Variants in OTC observed in about 807,000 individuals in gnomAD.
OTC encodes ornithine transcarbamylase, mitochondrial.
Under a neutral mutation model 30.3 loss-of-function variants are expected in OTC, and 3 were observed. That is an observed-to-expected ratio of 0.10 (90% CI 0.05 to 0.26). OTC has a LOEUF of 0.26. OTC is among the 10% of genes least tolerant of loss of function. The pLI, the probability that OTC is intolerant of heterozygous loss-of-function variation, is 1.00. For synonymous variants in OTC, 111 were observed against 99.7 expected (o/e 1.11, Z -0.67); for missense variants, 194 against 260.3 (o/e 0.75, Z 1.75).
intron 3 of OTC, among the ~76,000 whole-genome samples, chrX:38,377,675 GA>G (rs1322878286): frequency 9.0e-6 from 1 of 111,596 alleles, no homozygotes; most frequent in Non-Finnish European, 1.9e-5. Flanking sequence ...CCCTGCTACA[GA>G]TGTCCAATTA....
upstream of OTC, among the ~76,000 whole-genome samples, chrX:38,348,228 A>G (rs2068198674): frequency 2.7e-5 from 3 of 112,265 alleles, no homozygotes; most frequent in Admixed American, 2.8e-4. Flanking sequence ...TTTGTCACAC[A>G]ATAACCTCTT....
At chrX:38,405,134 G>A (rs1401362170) in intron 6 of OTC, among the ~76,000 whole-genome samples, 1 of 110,892 alleles carries the variant, frequency 9.0e-6, no homozygotes, top group Non-Finnish European at 1.9e-5. Flanking sequence ...CCATGAAAAG[G>A]GATCCCCCGG....
the OTC span, among the ~76,000 whole-genome samples, chrX:38,338,884 G>A: frequency 0.21 from 23,201 of 111,034 alleles, 1,910 homozygotes; most frequent in African/African-American, 0.29. Context: ...AGCATTATTG[G>A]TTGGTAAATC....
At position 38,369,514 on chromosome X, in the gene OTC, ATT is replaced by A. The variant is rs11313102; in HGVS notation, c.217-266_217-265del. Reference sequence around the variant, plus strand: ...AGGCACCCACCACCACTCCAGGCTAATTTTTTTTTTTTTTTTTGGTATTTTGA... The same window carrying A: ...AGGCACCCACCACCACTCCAGGCTAATTTTTTTTTTTTTTTGGTATTTTGA... On this transcript the variant is annotated intron_variant, in intron 2 of 9. Coordinates refer to ENST00000039007, the MANE Select transcript of OTC (RefSeq NM_000531.6). 0.051 allele frequency among the ~76,000 whole-genome samples: 4,733 copies of A among 92,165 alleles called. 300 individuals are homozygous for A. Among genetic ancestry groups the A allele is most frequent in the African/African-American group, 0.18 (4,434 of 25,024 alleles). The allele number at this position is 92,165 out of a possible 115,157, so 80.0% of individuals were successfully genotyped here. A position where few individuals can be genotyped will look rare whatever the true frequency, so the allele number is the denominator to read the frequency against.
chrX:38,374,389 C>T (rs895228125), intron 3 of OTC, among the ~76,000 whole-genome samples: 2 of 109,829 alleles, frequency 1.8e-5, no homozygotes, highest in African/African-American at 6.6e-5. Flanking sequence ...CACGTATTAC[C>T]ATCCAGACCT....
At position 38,381,335 on chromosome X, in the gene OTC, A is replaced by G; in HGVS notation, c.299-7A>G. The G allele has an allele frequency of 8.9e-7, 1 of 1,127,218 alleles. No individual in the cohort carries two copies. Among genetic ancestry groups the G allele is most frequent in the East Asian group, 3.0e-5 (1 of 33,108 alleles). 92.9% of individuals were successfully genotyped at this position (1,127,218 alleles called of 1,213,427 possible). ...AAAATGATTTTTTTCTTTTTTTTTTATTGTAGGCTTTGCACTTCTGGGAGG... is the reference window on the plus strand; with the variant it reads ...AAAATGATTTTTTTCTTTTTTTTTTGTTGTAGGCTTTGCACTTCTGGGAGG... On this transcript the variant is annotated splice_polypyrimidine_tract_variant and splice_region_variant and intron_variant, in intron 3 of 9. Transcript: ENST00000039007.
intron 4 of OTC, among the ~76,000 whole-genome samples, chrX:38,382,230 G>A (rs901300252): frequency 1.8e-5 from 2 of 111,766 alleles, no homozygotes; most frequent in African/African-American, 3.2e-5. Flanking sequence ...AGGGAGAGAC[G>A]GGGAAAGGCT....
intron 6 of OTC, among the ~76,000 whole-genome samples, chrX:38,404,663 G>C (rs1458536296): frequency 9.0e-6 from 1 of 111,675 alleles, no homozygotes. Context: ...ACCACCGTGG[G>C]GATTTGTGTA....
At chrX:38,385,704 G>A (rs757507328) in intron 4 of OTC, among the ~76,000 whole-genome samples, 11 of 111,908 alleles carry the variant, frequency 9.8e-5, no homozygotes, top group Non-Finnish European at 2.1e-4. Flanking sequence ...TTGGTCCTCA[G>A]TCTCACCCAC....
intron 1 of OTC, among the ~76,000 whole-genome samples, chrX:38,358,185 G>A (rs2068251576): frequency 9.0e-6 from 1 of 110,628 alleles, no homozygotes; most frequent in Non-Finnish European, 1.9e-5. Context: ...GAACTTAATA[G>A]CCATTGATGC....
At chrX:38,383,862 G>A (rs1171919364) in intron 4 of OTC, among the ~76,000 whole-genome samples, 2 of 109,956 alleles carry the variant, frequency 1.8e-5, no homozygotes, top group African/African-American at 3.3e-5. Context: ...TGACTTGCAC[G>A]TCAAGAGGTC....
At chrX:38,350,016 C>T (rs1569270273), upstream of OTC, among the ~76,000 whole-genome samples, 2 of 111,351 alleles carry the variant, frequency 1.8e-5, no homozygotes, top group South Asian at 7.6e-4. Flanking sequence ...TCCTTTGTAG[C>T]TCCCTCCAGT....
chrX:38,374,010 A>G (rs912776007), intron 3 of OTC, among the ~76,000 whole-genome samples: 1 of 110,309 alleles, frequency 9.1e-6, no homozygotes, highest in Non-Finnish European at 1.9e-5. Context: ...TAAAAATACA[A>G]AAAATTAGCC....
the OTC span, among the ~76,000 whole-genome samples, chrX:38,342,372 C>T: frequency 4.5e-5 from 5 of 110,731 alleles, no homozygotes; most frequent in African/African-American, 1.6e-4. Flanking sequence ...AAGACGGACA[C>T]CTCAACACTT....
upstream of OTC, chrX:38,352,594 A>G (rs2068223508): frequency 1.7e-6 from 1 of 604,052 alleles, no homozygotes; most frequent in African/African-American, 2.2e-5. Context: ...TTGCTCCCTC[A>G]CTGCAACTGA....
chrX:38,358,188 A>G (rs1223660510), intron 1 of OTC, among the ~76,000 whole-genome samples: 1 of 110,891 alleles, frequency 9.0e-6, no homozygotes, highest in Admixed American at 9.7e-5. Context: ...CTTAATAGCC[A>G]TTGATGCCAG....
At chrX:38,376,368 G>T (rs182463691) in intron 3 of OTC, among the ~76,000 whole-genome samples, 1 of 112,290 alleles carries the variant, frequency 8.9e-6, no homozygotes, top group East Asian at 2.8e-4. Flanking sequence ...GAGAAAGGGA[G>T]GAATTGCTAG....
At chrX:38,374,113 G>A (rs1469500359) in intron 3 of OTC, among the ~76,000 whole-genome samples, 3 of 111,469 alleles carry the variant, frequency 2.7e-5, no homozygotes, top group African/African-American at 6.5e-5. Context: ...GCAGTGAGCC[G>A]AGAACGCGCC....
At chrX:38,395,553 TG>T in intron 4 of OTC, 1 of 141,707 alleles carries the variant, frequency 7.1e-6, no homozygotes. Context: ...AAACGCTTCT[TG>T]GGCAGCCAGA....
Sources: allele counts gnomAD v4.1 joint callset (sites outside exome capture counted in the v4.1 genomes callset), GRCh38; gene constraint gnomAD v4.1.1; transcripts MANE v1.5; gene names NCBI Gene and HGNC (gene_info 2026-07-23, HGNC 2026-07-21).